The following MMP16 variants were observed in gnomAD, a reference collection of about 807,000 sequenced individuals.
MMP16 encodes the protein matrix metalloproteinase-16.
A neutral mutation model predicts 67.8 loss-of-function variants in MMP16; 12 were observed. The ratio of observed to expected loss-of-function variants is 0.18; its 90% confidence interval spans 0.11 to 0.29. The LOEUF is 0.29. MMP16 is among the 10% of genes least tolerant of loss of function. MMP16 has a pLI of 1.00. For synonymous variants in MMP16, 249 were observed against 255.9 expected (o/e 0.97, Z 0.26); for missense variants, 475 against 765.7 (o/e 0.62, Z 4.48).
chr8:88,124,518 C>T (rs1161720901), intron 4 of MMP16, among the ~76,000 whole-genome samples: 1 of 151,932 alleles, frequency 6.6e-6, no homozygotes, highest in African/African-American at 2.4e-5. Context: ...CACTTCTCCA[C>T]TTTTTCCGTA....
Position 88,302,595 on chromosome 8 carries a change from A to T in MMP16, c.132+24480T>A, listed in dbSNP as rs551185377. Among the ~76,000 whole-genome samples the T allele has an allele frequency of 1.2e-4, 18 of 152,328 alleles. No homozygotes were observed. The East Asian group carries it at 3.5e-3, about 29-fold the overall frequency. On this transcript the variant is annotated intron_variant, in intron 1 of 9. Transcript: ENST00000286614. Reference sequence around the variant, plus strand: ...CGAAGAGAAAATAACAGAGAAAAGAAGGGGATGAAAAAAAGTAGGAAAATA... The same window carrying T: ...CGAAGAGAAAATAACAGAGAAAAGATGGGGATGAAAAAAAGTAGGAAAATA...
chr8:88,226,238 T>C (rs552016657), intron 1 of MMP16, among the ~76,000 whole-genome samples: 2 of 152,064 alleles, frequency 1.3e-5, no homozygotes, highest in Admixed American at 6.6e-5. Flanking sequence ...ATCTGTGTTC[T>C]CCTTTCTATT....
At chr8:88,202,122 G>A (rs915348739) in intron 1 of MMP16, among the ~76,000 whole-genome samples, 4 of 152,070 alleles carry the variant, frequency 2.6e-5, no homozygotes, top group Non-Finnish European at 4.4e-5. Flanking sequence ...ATTAGTGTAC[G>A]AAATTGCACA....
At chr8:88,162,021 TG>T (rs1461981726) in intron 4 of MMP16, among the ~76,000 whole-genome samples, 8 of 152,100 alleles carry the variant, frequency 5.3e-5, no homozygotes, top group African/African-American at 1.9e-4. Flanking sequence ...CTGAGAAGAA[TG>T]AATATACATC....
intron 4 of MMP16, among the ~76,000 whole-genome samples, chr8:88,155,022 G>C (rs1186334232): frequency 2.0e-5 from 3 of 151,860 alleles, no homozygotes; most frequent in Non-Finnish European, 4.4e-5. Context: ...TCAAATATCT[G>C]ATAATAGCAT....
chr8:88,085,768 T>C (rs1209782044), intron 6 of MMP16, among the ~76,000 whole-genome samples: 1 of 152,064 alleles, frequency 6.6e-6, no homozygotes, highest in African/African-American at 2.4e-5. Context: ...AGGGAGTTGA[T>C]ATATTCAGAT....
intron 6 of MMP16, among the ~76,000 whole-genome samples, chr8:88,111,644 G>GT (rs1809338983): frequency 6.6e-6 from 1 of 151,724 alleles, no homozygotes; most frequent in African/African-American, 2.4e-5. Context: ...GTTTTTAGCA[G>GT]TGCGGTGGTA....
intron 1 of MMP16, among the ~76,000 whole-genome samples, chr8:88,228,942 C>T (rs1274386705): frequency 6.6e-6 from 1 of 151,896 alleles, no homozygotes; most frequent in African/African-American, 2.4e-5. Context: ...GAGATGATCA[C>T]TTGAGCCCAG....
At chr8:88,310,172 C>T (rs1811273837) in intron 1 of MMP16, among the ~76,000 whole-genome samples, 1 of 152,056 alleles carries the variant, frequency 6.6e-6, no homozygotes, top group Non-Finnish European at 1.5e-5. Flanking sequence ...TATTCTGATA[C>T]ACACCACCAG....
At chr8:88,193,933 A>C (rs1024994589) in intron 2 of MMP16, among the ~76,000 whole-genome samples, 2 of 151,856 alleles carry the variant, frequency 1.3e-5, no homozygotes, top group African/African-American at 4.8e-5. Context: ...AGATTGCTCC[A>C]TTCATTAAAG....
intron 1 of MMP16, among the ~76,000 whole-genome samples, chr8:88,306,314 C>G (rs1811211063): frequency 1.3e-5 from 2 of 151,974 alleles, no homozygotes; most frequent in Admixed American, 6.6e-5. Context: ...CAACAAAAAG[C>G]CCAGCACCAG....
intron 1 of MMP16, among the ~76,000 whole-genome samples, chr8:88,304,921 T>A (rs138925655): frequency 6.6e-6 from 1 of 152,130 alleles, no homozygotes; most frequent in Non-Finnish European, 1.5e-5. Context: ...ACCATCATAA[T>A]GACAGGATCA....
chr8:88,312,512 T>G (rs907917080), intron 1 of MMP16, among the ~76,000 whole-genome samples: 2 of 151,962 alleles, frequency 1.3e-5, no homozygotes, highest in Admixed American at 6.6e-5. Context: ...AGTGTACAAT[T>G]TGATAAGTTT....
chr8:88,218,722 T>A (rs1809632833), intron 1 of MMP16, among the ~76,000 whole-genome samples: 1 of 151,982 alleles, frequency 6.6e-6, no homozygotes, highest in African/African-American at 2.4e-5. Context: ...ATGTCAAGAA[T>A]CCTTCCAGAA....
At chr8:88,175,162 G>T (rs1313642996) in intron 3 of MMP16, among the ~76,000 whole-genome samples, 1 of 152,110 alleles carries the variant, frequency 6.6e-6, no homozygotes, top group African/African-American at 2.4e-5. Context: ...AAAAACCAAA[G>T]AGAAAAATTA....
chr8:88,100,894 G>T (rs575962010), intron 6 of MMP16, among the ~76,000 whole-genome samples: 2 of 149,784 alleles, frequency 1.3e-5, no homozygotes, highest in East Asian at 4.1e-4. Flanking sequence ...ACCAAACACC[G>T]CATGTTCTCA....
In MMP16 at chr8:88,327,084, G is replaced by T; in HGVS notation, c.123C>A (p.Phe41Leu). The change falls in exon 1 of 10, where the codon TTC becomes TTA. Residue 41 changes from phenylalanine (F) to leucine (L), a missense_variant. Phe to Leu is a conservative substitution (Grantham distance 22). Transcript: ENST00000286614. ...GCCCTCGCACTCTTACCTCCACATT[G>T]AAATACTGCTCCGTTCCGCAGACTG... ...CATVCGTEQY[F>L]NVEVWLQKYG... is the part of the protein sequence containing the mutation. 6.2e-7 allele frequency: 1 copy of T among 1,613,958 alleles called. No individual in the cohort carries two copies. The highest frequency in any genetic ancestry group is 1.1e-5 in the South Asian group (1 of 91,062).
intron 4 of MMP16, among the ~76,000 whole-genome samples, chr8:88,142,205 C>T (rs917918014): frequency 6.6e-5 from 10 of 151,882 alleles, no homozygotes; most frequent in African/African-American, 1.7e-4. Context: ...CCACCATGCC[C>T]GGCCATAAAT....
Position 88,327,432 on chromosome 8 carries a change from C to G in MMP16, c.-226G>C, listed in dbSNP as rs762343346. ...GCAGTAGTTCCTGTTCACCATCCTC[C>G]GGGGTCAGTCACCGGGAACGTGGCG... On this transcript the variant is annotated 5_prime_UTR_variant, in exon 1 of 10. Coordinates refer to ENST00000286614, the MANE Select transcript of MMP16 (RefSeq NM_005941.5). 2.0e-6 allele frequency: 1 copy of G among 510,282 alleles called. No homozygotes were observed. The highest frequency in any genetic ancestry group is 1.9e-5 in the African/African-American group (1 of 51,378). 31.6% of individuals were successfully genotyped at this position (510,282 alleles called of 1,614,324 possible).
Sources: allele counts gnomAD v4.1 joint callset (sites outside exome capture counted in the v4.1 genomes callset), GRCh38; gene constraint gnomAD v4.1.1; transcripts MANE v1.5; gene names NCBI Gene and HGNC (gene_info 2026-07-23, HGNC 2026-07-21).